CARS2: variants seen among roughly 807,000 people sequenced by gnomAD.
The protein encoded by CARS2 is probable cysteine--tRNA ligase, mitochondrial.
A neutral mutation model predicts 68.8 loss-of-function variants in CARS2; 52 were observed. The ratio of observed to expected loss-of-function variants is 0.76; its 90% CI spans 0.61 to 0.95. CARS2 has a LOEUF of 0.95. CARS2 is among the 40% of genes least tolerant of loss of function. The pLI is 0.00. For missense variants in CARS2, 780 were observed against 754.2 expected, an observed-to-expected ratio of 1.03 and a Z score of -0.40; for synonymous variants, 314 against 303.6, an observed-to-expected ratio of 1.03 and a Z score of -0.36.
chr13:110,711,554 A>G (rs1171632141), intron 1 of CARS2, among the ~76,000 whole-genome samples: 1 of 152,220 alleles, frequency 6.6e-6, no homozygotes, highest in Non-Finnish European at 1.5e-5. Context: ...AGTGGCCAAT[A>G]AATCTTGTAG....
chr13:110,645,952 T>A lies in CARS2; in HGVS notation c.1317+15A>T. The A allele has an allele frequency of 6.2e-7, 1 of 1,609,380 alleles. No individual in the cohort carries two copies. Among genetic ancestry groups the A allele is most frequent in the Non-Finnish European group, 8.5e-7 (1 of 1,177,942 alleles). ...CTGGCAGCAGGACCGCAAGGCCACC[T>A]GTTCGTTGAGCTACCTTCAGGGACG... is the stretch of plus-strand genomic sequence containing the variant. On this transcript the variant is annotated intron_variant, in intron 12 of 14. Coordinates refer to ENST00000257347, the MANE Select transcript of CARS2 (RefSeq NM_024537.4).
chr13:110,672,606 G>A (rs2062831962), intron 7 of CARS2, among the ~76,000 whole-genome samples: 1 of 152,162 alleles, frequency 6.6e-6, no homozygotes, highest in South Asian at 2.1e-4. Flanking sequence ...GCCCACAAGA[G>A]AAAGCAGGAA....
chr13:110,706,281 A>C (rs2063958040), upstream of CARS2: 2 of 356,808 alleles, frequency 5.6e-6, no homozygotes, highest in South Asian at 1.3e-4. Flanking sequence ...AGGGTGGAGA[A>C]CCAGGGCCCG....
intron 2 of CARS2, among the ~76,000 whole-genome samples, chr13:110,703,516 C>A (rs756717015): frequency 2.0e-5 from 3 of 152,194 alleles, no homozygotes; most frequent in Non-Finnish European, 4.4e-5. Flanking sequence ...GATGTGTATT[C>A]TTTTCTGTAG....
intron 3 of CARS2, among the ~76,000 whole-genome samples, chr13:110,692,101 C>CAT (rs772775650): frequency 1.1e-3 from 155 of 140,850 alleles, no homozygotes; most frequent in South Asian, 5.5e-3. Context: ...CACATATATA[C>CAT]ATATATATAT....
At chr13:110,664,113 T>G (rs2062582867) in intron 8 of CARS2, 1 of 985,146 alleles carries the variant, frequency 1.0e-6, no homozygotes, top group South Asian at 4.7e-5. Context: ...GACCCTGAAA[T>G]TCTCCCTGGC....
intron 9 of CARS2, among the ~76,000 whole-genome samples, chr13:110,657,827 C>A (rs79334186): frequency 0.075 from 11,414 of 152,276 alleles, 542 homozygotes; most frequent in East Asian, 0.17. Flanking sequence ...GTAGAGGGAT[C>A]TGGTAGTCAT....
intron 6 of CARS2, among the ~76,000 whole-genome samples, chr13:110,679,366 C>T (rs896021633): frequency 9.2e-5 from 14 of 151,572 alleles, no homozygotes; most frequent in Non-Finnish European, 1.8e-4. Context: ...CTCGTCTCTA[C>T]TAAAAATACA....
chr13:110,642,848 T>G, intron 13 of CARS2: 1 of 582,762 alleles, frequency 1.7e-6, no homozygotes, highest in Non-Finnish European at 3.2e-6. Flanking sequence ...CACGCAATTG[T>G]GGCCGAGGTA....
chr13:110,687,967 G>C lies in CARS2; in HGVS notation c.445C>G (p.Gln149Glu), dbSNP rs1490524655. 1.2e-6 allele frequency: 2 copies of C among 1,612,908 alleles called. No individual in the cohort carries two copies. Among genetic ancestry groups the C allele is most frequent in the Non-Finnish European group, 1.7e-6 (2 of 1,179,554 alleles). Residue 149 changes from glutamine to glutamate, a missense_variant, in exon 4 of 15, where the codon CAG (glutamine) becomes GAG (glutamate). Coordinates refer to ENST00000257347, the MANE Select transcript of CARS2 (RefSeq NM_024537.4). ...LASLYEEDFK[Q>E]DMAALKVLPP... ...TTTACCTTCAGGGCTGCCATGTCCT[G>C]CTTGAAGTCTTCCTCATAAAGACTG...
At chr13:110,679,573 GAGAA>G (rs1175280493) in intron 6 of CARS2, among the ~76,000 whole-genome samples, 53 of 94,254 alleles carry the variant, frequency 5.6e-4, no homozygotes, top group African/African-American at 1.6e-3. Context: ...AAGAAAGAGA[GAGAA>G]AGAAAGAAAG....
At chr13:110,710,759 G>A (rs117773328), upstream of CARS2, among the ~76,000 whole-genome samples, 1,021 of 152,278 alleles carry the variant, frequency 6.7e-3, 9 homozygotes, top group South Asian at 0.016. Context: ...GGAATGTAAA[G>A]CTCCAAAAAA....
rs376314240 is a variant in CARS2, at chr13:110,667,333, T to C, written c.919+7A>G. 16 of 1,607,620 alleles carry C rather than the reference T, an allele frequency of 1.0e-5. No individual in the cohort carries two copies. The highest frequency in any genetic ancestry group is 1.4e-5 in the Non-Finnish European group (16 of 1,177,054). On this transcript the variant is annotated splice_region_variant and intron_variant, in intron 8 of 14. Coordinates refer to ENST00000257347, the MANE Select transcript of CARS2 (RefSeq NM_024537.4). ...ACAGAACAAATTAATCTGAAGTTAT[T>C]ACTTACCAGAATGCAGAAAATAATT...
At chr13:110,671,135 A>C (rs1232949781) in intron 7 of CARS2, among the ~76,000 whole-genome samples, 1 of 152,144 alleles carries the variant, frequency 6.6e-6, no homozygotes, top group Non-Finnish European at 1.5e-5. Context: ...GTTGGAAAAC[A>C]CTCTTCAGGA....
Position 110,647,191 on chromosome 13 carries a change from AG to A in CARS2, c.1102del (p.Leu368TrpfsTer14). On this transcript the variant is annotated frameshift_variant, in exon 11 of 15. Coordinates refer to ENST00000257347, the MANE Select transcript of CARS2 (RefSeq NM_024537.4). LOFTEE classifies it high-confidence loss of function. ...SAMLQAQQLLLGLGSFLEDAR... is the reference protein window; with the variant it reads ...SAMLQAQQLLXGLGSFLEDAR... ...GTCCTCCAGGAAAGAGCCCAGCCCC[AG>A]GAGCAGCTGCTGAGCTTGGAGCATG... 1 of 1,613,288 alleles carries A rather than the reference AG, an allele frequency of 6.2e-7. No homozygotes were observed. Among genetic ancestry groups the A allele is most frequent in the Non-Finnish European group, 8.5e-7 (1 of 1,179,908 alleles).
chr13:110,678,183 G>A lies in CARS2; in HGVS notation c.656-1080C>T, dbSNP rs796084442. 59 of 152,394 alleles carry A rather than the reference G, an allele frequency of 3.9e-4. 1 individual carries two copies. The highest frequency in any genetic ancestry group is 1.4e-3 in the African/African-American group (57 of 41,594). 9.4% of individuals were successfully genotyped at this position (152,394 alleles called of 1,614,324 possible). On this transcript the variant is annotated intron_variant, in intron 6 of 14. Transcript: ENST00000257347. ...GGGTTTTCCCATTTTTCCTTATTCTGTCTTACGAGAAATACTCTGCTTATC... is the reference window on the plus strand; with the variant it reads ...GGGTTTTCCCATTTTTCCTTATTCTATCTTACGAGAAATACTCTGCTTATC...
In CARS2 at chr13:110,668,184, A is replaced by G. The variant is rs2062700604; in HGVS notation, c.786-711T>C. Among the ~76,000 whole-genome samples, 1 of 152,220 alleles carries G rather than the reference A, an allele frequency of 6.6e-6. No homozygotes were observed. The highest frequency in any genetic ancestry group is 6.5e-5 in the Admixed American group (1 of 15,286). ...CCCTGTGCTCGGGGAAGCACTGCAC[A>G]CGGAGGTCTCGAGCCTGGGGAAACA... On this transcript the variant is annotated intron_variant, in intron 7 of 14. Transcript: ENST00000257347. The surrounding 1 kb of genome is among the most constrained non-coding windows in gnomAD (Gnocchi z 4.1).
chr13:110,712,967 C>T, intron 1 of CARS2: 2 of 1,560,168 alleles, frequency 1.3e-6, no homozygotes, highest in Non-Finnish European at 1.7e-6. Context: ...GGTGGTCCGG[C>T]CGCGGAATGG....
In CARS2 at chr13:110,693,662, A is replaced by G. The variant is rs936333723; in HGVS notation, c.394-5644T>C. Reference sequence around the variant, plus strand: ...GCGTGAGCCACCGTGTCCGGCTGGAAACTCATATTCTAAAAGTCAAACTGC... The same window carrying G: ...GCGTGAGCCACCGTGTCCGGCTGGAGACTCATATTCTAAAAGTCAAACTGC... On this transcript the variant is annotated intron_variant, in intron 3 of 14. Coordinates refer to ENST00000257347, the MANE Select transcript of CARS2 (RefSeq NM_024537.4). 1.3e-5 allele frequency among the ~76,000 whole-genome samples: 2 copies of G among 151,796 alleles called. 1 individual carries two copies. Among genetic ancestry groups the G allele is most frequent in the Non-Finnish European group, 2.9e-5 (2 of 67,934 alleles).
Sources: gnomAD v4.1 joint callset for allele counts (sites outside exome capture counted in the v4.1 genomes callset) on GRCh38, gnomAD v4.1.1 for gene constraint, Gnocchi (gnomAD v3.1) non-coding constraint, MANE v1.5 for transcripts, NCBI Gene and HGNC (gene_info 2026-07-23, HGNC 2026-07-21) for gene names.